Variants in DPH6 observed in about 807,000 individuals in gnomAD.
DPH6 encodes the protein diphthamine biosynthesis 6.
DPH6 carries 33 observed loss-of-function variants against 38.2 expected under a neutral mutation model. The ratio of observed to expected loss-of-function variants is 0.86; its 90% confidence interval spans 0.65 to 1.15. DPH6 has a LOEUF of 1.15. DPH6 is among the 50% of genes most tolerant of loss of function. The pLI is 0.00. For missense variants in DPH6, 325 were observed against 320.0 expected, an observed-to-expected ratio of 1.02 and a Z score of -0.12; for synonymous variants, 108 against 103.0, an observed-to-expected ratio of 1.05 and a Z score of -0.30.
At chr15:35,352,362 G>C (rs2052521474) in intron 3 of DPH6, among the ~76,000 whole-genome samples, 1 of 152,114 alleles carries the variant, frequency 6.6e-6, no homozygotes, top group African/African-American at 2.4e-5. Context: ...CATGTGCCAT[G>C]TTGGTGTGCT....
At chr15:35,444,963 G>A (rs898505601) in intron 5 of DPH6, among the ~76,000 whole-genome samples, 1 of 152,256 alleles carries the variant, frequency 6.6e-6, no homozygotes, top group Non-Finnish European at 1.5e-5. Context: ...TATTACTGTG[G>A]TACATTAGTA....
intron 3 of DPH6, among the ~76,000 whole-genome samples, chr15:35,253,276 A>C (rs2051686259): frequency 6.6e-6 from 1 of 152,234 alleles, no homozygotes; most frequent in African/African-American, 2.4e-5. Context: ...AGCATCATCA[A>C]GTGAAGTGAA....
intron 3 of DPH6, among the ~76,000 whole-genome samples, chr15:35,264,079 A>G (rs1046649830): frequency 7.6e-5 from 11 of 143,926 alleles, no homozygotes. Flanking sequence ...AAATTCACTC[A>G]TATGGATTTA....
intron 3 of DPH6, among the ~76,000 whole-genome samples, chr15:35,317,126 G>GCA (rs1352244684): frequency 6.6e-6 from 1 of 152,116 alleles, no homozygotes; most frequent in Non-Finnish European, 1.5e-5. Context: ...AGGCGTGGTG[G>GCA]CATGTGCCTG....
intron 5 of DPH6, among the ~76,000 whole-genome samples, chr15:35,448,216 TTA>T (rs2053882216): frequency 6.6e-6 from 1 of 152,184 alleles, no homozygotes; most frequent in Admixed American, 6.5e-5. Flanking sequence ...AGGTCTATAA[TTA>T]TATGTTTATA....
At chr15:35,397,780 G>A (rs73378719) in intron 6 of DPH6, among the ~76,000 whole-genome samples, 4,622 of 151,638 alleles carry the variant, frequency 0.03, 245 homozygotes, top group African/African-American at 0.11. Context: ...CCCTACAGCA[G>A]ATAAACAGAG....
At chr15:35,148,781 C>G in the DPH6 span, among the ~76,000 whole-genome samples, 1 of 152,012 alleles carries the variant, frequency 6.6e-6, no homozygotes, top group African/African-American at 2.4e-5. Context: ...CAAATCTGTC[C>G]TTTCTCAATA....
intron 3 of DPH6, among the ~76,000 whole-genome samples, chr15:35,460,732 G>C (rs1246221913): frequency 6.6e-6 from 1 of 152,106 alleles, no homozygotes; most frequent in Non-Finnish European, 1.5e-5. Flanking sequence ...AGACAAGCAG[G>C]CATCACAGGC....
intron 3 of DPH6, among the ~76,000 whole-genome samples, chr15:35,260,165 G>C (rs1374254496): frequency 6.6e-6 from 1 of 152,142 alleles, no homozygotes; most frequent in Non-Finnish European, 1.5e-5. Flanking sequence ...CTGGAATGCA[G>C]TGGCACAATC....
Position 35,306,757 on chromosome 15 carries a change from T to A in DPH6, n.200+66764A>T, listed in dbSNP as rs115036816. 2.4e-3 allele frequency among the ~76,000 whole-genome samples: 372 copies of A among 152,288 alleles called. 1 individual carries two copies. Among genetic ancestry groups the A allele is most frequent in the African/African-American group, 8.5e-3 (353 of 41,572 alleles). On this transcript the variant is annotated intron_variant and non_coding_transcript_variant, in intron 3 of 3. Coordinates refer to the DPH6 transcript ENST00000560386. ...GGACTTTATCTCCAAATAGGTTACC[T>A]CCCTCAGTAAAGTTCAGGTCACTAT...
At chr15:35,416,550 G>A (rs16960871) in intron 5 of DPH6, among the ~76,000 whole-genome samples, 4,640 of 151,984 alleles carry the variant, frequency 0.031, 249 homozygotes, top group African/African-American at 0.11. Context: ...TCTTCTGAAT[G>A]GATTTTTATA....
chr15:35,358,317 C>A (rs1232382231), intron 3 of DPH6, among the ~76,000 whole-genome samples: 1 of 152,126 alleles, frequency 6.6e-6, no homozygotes, highest in African/African-American at 2.4e-5. Context: ...TTGCATTAGG[C>A]TTTGCCTTTC....
chr15:35,489,269 A>C (rs930335624), intron 3 of DPH6: 14 of 928,804 alleles, frequency 1.5e-5, no homozygotes, highest in African/African-American at 1.8e-5. Context: ...GATCTGGGAA[A>C]ACCTGTCTAT....
intron 3 of DPH6, among the ~76,000 whole-genome samples, chr15:35,286,320 T>A (rs1385877268): frequency 6.6e-6 from 1 of 152,178 alleles, no homozygotes; most frequent in African/African-American, 2.4e-5. Context: ...AGCTACCTCT[T>A]CATTTTCTGA....
At chr15:35,358,097 G>GT (rs1247956260) in intron 3 of DPH6, among the ~76,000 whole-genome samples, 2 of 151,938 alleles carry the variant, frequency 1.3e-5, no homozygotes, top group African/African-American at 4.8e-5. Context: ...TCTTTTTTCT[G>GT]TGTCTTTGTT....
chr15:35,237,659 T>C, intron 3 of DPH6: 1 of 1,613,356 alleles, frequency 6.2e-7, no homozygotes. Context: ...ACTGAAAAAC[T>C]TAGAAAACCT....
chr15:35,321,268 G>T (rs2052238269), intron 3 of DPH6, among the ~76,000 whole-genome samples: 1 of 152,208 alleles, frequency 6.6e-6, no homozygotes, highest in Non-Finnish European at 1.5e-5. Flanking sequence ...CTATGCCAAG[G>T]ACAGAGTGAA....
At chr15:35,542,965 T>TATATATATATATATATAA (rs58422347) in intron 1 of DPH6, among the ~76,000 whole-genome samples, 5,060 of 76,050 alleles carry the variant, frequency 0.067, 726 homozygotes, top group Non-Finnish European at 0.097. Flanking sequence ...TATATATATA[T>TATATATATATATATATAA]AAAATAATTT....
At chr15:35,250,392 A>G (rs1406931325) in intron 3 of DPH6, among the ~76,000 whole-genome samples, 3 of 152,056 alleles carry the variant, frequency 2.0e-5, no homozygotes, top group African/African-American at 7.2e-5. Context: ...GGCACTGTAT[A>G]AGTCAGAGAA....
Sources: allele counts gnomAD v4.1 joint callset (sites outside exome capture counted in the v4.1 genomes callset), GRCh38; gene constraint gnomAD v4.1.1; transcripts MANE v1.5; gene names NCBI Gene and HGNC (gene_info 2026-07-23, HGNC 2026-07-21).